MGAT4C: variants seen among roughly 807,000 people sequenced by gnomAD.
MGAT4C encodes MGAT4 family member C.
MGAT4C carries 19 observed loss-of-function variants against 40.1 expected under a neutral mutation model. The ratio of observed to expected loss-of-function variants is 0.47; its 90% CI spans 0.33 to 0.70. The LOEUF (loss-of-function observed/expected upper bound fraction) is 0.70, where lower values mean the gene tolerates loss of function less well. Among genes scored for constraint, MGAT4C ranks in the 30% least tolerant of loss-of-function variants. MGAT4C has a pLI of 0.02. For missense variants in MGAT4C, 491 were observed against 563.2 expected, an observed-to-expected ratio of 0.87 and a Z score of 1.30; for synonymous variants, 181 against 187.1, an observed-to-expected ratio of 0.97 and a Z score of 0.27.
At chr12:86,580,955 C>G (rs1593007672) in intron 2 of MGAT4C, among the ~76,000 whole-genome samples, 1 of 151,582 alleles carries the variant, frequency 6.6e-6, no homozygotes, top group Non-Finnish European at 1.5e-5. Context: ...TAAGCACACA[C>G]AAATTCAGAT....
intron 1 of MGAT4C, among the ~76,000 whole-genome samples, chr12:86,835,729 CTA>C (rs1445743352): frequency 6.6e-6 from 1 of 151,880 alleles, no homozygotes; most frequent in East Asian, 1.9e-4. Flanking sequence ...TCAATTTTAT[CTA>C]TGCGTAAGTA....
chr12:86,625,071 T>C (rs917052388), intron 2 of MGAT4C, among the ~76,000 whole-genome samples: 5 of 151,944 alleles, frequency 3.3e-5, no homozygotes. Context: ...TATAAAGGGC[T>C]CTTCAAAAGG....
intron 2 of MGAT4C, among the ~76,000 whole-genome samples, chr12:86,553,159 T>C (rs1348739718): frequency 6.6e-6 from 1 of 152,156 alleles, no homozygotes; most frequent in Admixed American, 6.5e-5. Flanking sequence ...ATCTAATACA[T>C]GGCAATAAAG....
chr12:85,992,956 C>A (rs1360213825), intron 2 of MGAT4C, among the ~76,000 whole-genome samples: 1 of 152,196 alleles, frequency 6.6e-6, no homozygotes, highest in East Asian at 1.9e-4. Flanking sequence ...GGGGAATCAA[C>A]CCCCTTTGCT....
At chr12:86,606,934 T>C (rs6538048) in intron 2 of MGAT4C, among the ~76,000 whole-genome samples, 132,320 of 152,058 alleles carry the variant, frequency 0.87, 58,271 homozygotes, top group East Asian at 0.96. Flanking sequence ...GTTCAATAAT[T>C]CATAAAATGA....
chr12:86,831,040 C>A (rs1255546441), intron 1 of MGAT4C, among the ~76,000 whole-genome samples: 1 of 151,716 alleles, frequency 6.6e-6, no homozygotes, highest in African/African-American at 2.4e-5. Context: ...ATTTTATGGG[C>A]ATTTCTCCTT....
At chr12:86,610,499 G>A (rs1001007789) in intron 2 of MGAT4C, among the ~76,000 whole-genome samples, 10 of 151,458 alleles carry the variant, frequency 6.6e-5, no homozygotes, top group Admixed American at 1.3e-4. Flanking sequence ...ATCTCATTGC[G>A]TCATTCTCCT....
chr12:86,418,101 C>A (rs921570998), intron 3 of MGAT4C, among the ~76,000 whole-genome samples: 2 of 151,902 alleles, frequency 1.3e-5, no homozygotes, highest in African/African-American at 4.8e-5. Flanking sequence ...TTTGCACAAA[C>A]TTTTTTTAGC....
At chr12:85,993,824 GA>G (rs1656472823) in intron 2 of MGAT4C, among the ~76,000 whole-genome samples, 1 of 152,188 alleles carries the variant, frequency 6.6e-6, no homozygotes, top group African/African-American at 2.4e-5. Flanking sequence ...GAGTCCCCAA[GA>G]TGCATTTGTT....
upstream of MGAT4C, among the ~76,000 whole-genome samples, chr12:86,257,102 A>G (rs868813293): frequency 3.0e-4 from 46 of 152,294 alleles, no homozygotes; most frequent in African/African-American, 1.1e-3. Flanking sequence ...AGCCACTGGA[A>G]CTTCAGACAA....
rs187976139 is a variant in MGAT4C at position 86,133,904 on chromosome 12, A to G, written c.-56-84181T>C. 1.2e-4 allele frequency among the ~76,000 whole-genome samples: 19 copies of G among 152,196 alleles called. No individual in the cohort carries two copies. In the East Asian group the frequency reaches 3.5e-3, roughly 28 times the overall value. On this transcript the variant is annotated intron_variant, in intron 1 of 4. Coordinates refer to ENST00000611864, the MANE Select transcript of MGAT4C (RefSeq NM_001351288.2). The stretch of plus-strand genomic sequence containing the variant: ...ATCTCATTCCATGGAGAACTTAGAA[A>G]TATGCAATTTAGTTGCTAAATTTAG...
intron 4 of MGAT4C, among the ~76,000 whole-genome samples, chr12:86,275,502 G>C (rs1953054327): frequency 6.6e-6 from 1 of 152,138 alleles, no homozygotes; most frequent in Admixed American, 6.6e-5. Flanking sequence ...CCGGAACCTG[G>C]GAATATGTTA....
At chr12:86,445,830 G>T (rs1957324305) in intron 2 of MGAT4C, among the ~76,000 whole-genome samples, 1 of 152,026 alleles carries the variant, frequency 6.6e-6, no homozygotes, top group Non-Finnish European at 1.5e-5. Context: ...CTGCAAAAAT[G>T]GTTACATTTT....
intron 1 of MGAT4C, among the ~76,000 whole-genome samples, chr12:86,099,024 C>T (rs971511950): frequency 6.6e-6 from 1 of 151,250 alleles, no homozygotes. Flanking sequence ...AGAAATTCTA[C>T]CTTTTTAAAA....
At chr12:86,605,892 T>C (rs1256607159) in intron 2 of MGAT4C, among the ~76,000 whole-genome samples, 1 of 152,152 alleles carries the variant, frequency 6.6e-6, no homozygotes, top group Non-Finnish European at 1.5e-5. Context: ...TAGTCAGTTA[T>C]ACTGTTATAA....
At chr12:86,700,070 T>TAGATAGATA (rs1565933983) in intron 2 of MGAT4C, among the ~76,000 whole-genome samples, 18 of 150,040 alleles carry the variant, frequency 1.2e-4, no homozygotes, top group East Asian at 5.9e-4. Flanking sequence ...ATAGATAAGA[T>TAGATAGATA]AGATAGATAA....
intron 1 of MGAT4C, among the ~76,000 whole-genome samples, chr12:86,249,203 T>C (rs1952165021): frequency 6.6e-6 from 1 of 152,144 alleles, no homozygotes; most frequent in Admixed American, 6.6e-5. Flanking sequence ...AGTTCATGTT[T>C]GCTCAAGTTC....
Position 86,806,689 on chromosome 12 carries a change from T to G in MGAT4C, c.-262+31977A>C, listed in dbSNP as rs1360429839. Among the ~76,000 whole-genome samples the G allele has an allele frequency of 3.3e-5, 5 of 151,934 alleles. No individual in the cohort carries two copies. The East Asian group carries it at 7.7e-4, about 24-fold the overall frequency. On this transcript the variant is annotated intron_variant, in intron 1 of 7. Transcript: ENST00000548651. ...ACTAACCTGTTTCCATTTCTAAAAT[T>G]TTGCCATTTGAAAATGTCTTCCTTT...
chr12:86,504,926 C>A (rs368175672), intron 2 of MGAT4C, among the ~76,000 whole-genome samples: 26 of 152,234 alleles, frequency 1.7e-4, no homozygotes, highest in African/African-American at 5.5e-4. Context: ...GGATTACAGG[C>A]ATGAGACACC....
Sources: allele counts gnomAD v4.1 joint callset (sites outside exome capture counted in the v4.1 genomes callset), GRCh38; gene constraint gnomAD v4.1.1; transcripts MANE v1.5; gene names NCBI Gene and HGNC (gene_info 2026-07-23, HGNC 2026-07-21).